TFEC: variants seen among roughly 807,000 people sequenced by gnomAD.
TFEC encodes the protein class E basic helix-loop-helix protein 34.
A neutral mutation model predicts 41.6 loss-of-function variants in TFEC; 31 were observed. The observed-to-expected ratio is 0.74, with a 90% CI of 0.56 to 1.01. The LOEUF (loss-of-function observed/expected upper bound fraction) is 1.01. TFEC is among the 50% of genes least tolerant of loss of function. The pLI is 0.00. For missense variants in TFEC, 402 were observed against 404.1 expected, an observed-to-expected ratio of 0.99 and a Z score of 0.04; for synonymous variants, 143 against 140.6, an observed-to-expected ratio of 1.02 and a Z score of -0.12.
At chr7:116,103,862 A>C (rs1443844563) in intron 3 of TFEC, among the ~76,000 whole-genome samples, 2 of 152,196 alleles carry the variant, frequency 1.3e-5, no homozygotes, top group Admixed American at 1.3e-4. Context: ...ATGCATTTTC[A>C]AATAACTACA....
At chr7:115,984,160 T>C (rs913803489) in intron 2 of TFEC, 102 bp downstream of exon 2, 11 of 1,397,730 alleles carry the variant, frequency 7.9e-6, no homozygotes, top group Non-Finnish European at 1.1e-5. Context: ...TTTGTTACAT[T>C]TGCAATCAGA....
chr7:116,151,037 T>C (rs901538313), intron 1 of TFEC, among the ~76,000 whole-genome samples: 5 of 152,114 alleles, frequency 3.3e-5, no homozygotes, highest in Non-Finnish European at 5.9e-5. Flanking sequence ...AGTATTCTCA[T>C]TGGTCTCCTT....
chr7:116,047,245 T>C (rs1796189716), intron 3 of TFEC, among the ~76,000 whole-genome samples: 1 of 152,038 alleles, frequency 6.6e-6, no homozygotes, highest in Admixed American at 6.5e-5. Flanking sequence ...AAATTCCCTT[T>C]CCTAACAAAG....
chr7:116,108,039 C>T (rs1002262072), intron 3 of TFEC, among the ~76,000 whole-genome samples: 3 of 152,096 alleles, frequency 2.0e-5, no homozygotes, highest in African/African-American at 7.2e-5. Context: ...TTATAGAACT[C>T]AGAATCTTCT....
intron 3 of TFEC, among the ~76,000 whole-genome samples, chr7:116,048,717 A>G (rs1796232680): frequency 6.6e-6 from 1 of 152,230 alleles, no homozygotes; most frequent in African/African-American, 2.4e-5. Context: ...AAAAATGTTA[A>G]GGGCAATCAG....
chr7:115,968,117 T>G, intron 3 of TFEC: 1 of 1,442,262 alleles, frequency 6.9e-7, no homozygotes, highest in Non-Finnish European at 9.2e-7. Context: ...GTTTATAAAG[T>G]TTAAATTCAG....
chr7:115,950,740 C>T lies in TFEC; in HGVS notation c.515+134G>A, dbSNP rs1321372581. The T allele has an allele frequency of 5.9e-5, 34 of 575,436 alleles. No homozygotes were observed. The South Asian group carries it at 9.4e-4, about 16-fold the overall frequency. The allele number at this position is 575,436 out of a possible 1,614,324, so 35.6% of individuals were successfully genotyped here. ...ACTGGAATAGACATTTTAAAATGAGCCCAGCAATAGCCTTATTTTTGCTAT... is the reference window on the plus strand; with the variant it reads ...ACTGGAATAGACATTTTAAAATGAGTCCAGCAATAGCCTTATTTTTGCTAT... On this transcript the variant is annotated intron_variant, in intron 6 of 7. Transcript: ENST00000265440.
At chr7:116,029,952 G>A (rs1795733082) in intron 1 of TFEC, among the ~76,000 whole-genome samples, 2 of 151,754 alleles carry the variant, frequency 1.3e-5, no homozygotes. Flanking sequence ...TGTAATCCCA[G>A]CTACTTGGAA....
chr7:116,056,857 A>G (rs1255364817), intron 3 of TFEC, among the ~76,000 whole-genome samples: 1 of 152,124 alleles, frequency 6.6e-6, no homozygotes, highest in African/African-American at 2.4e-5. Flanking sequence ...GAGAACTATC[A>G]AACAAAAGAT....
intron 3 of TFEC, among the ~76,000 whole-genome samples, chr7:115,959,931 G>C (rs371948904): frequency 4.6e-5 from 7 of 151,328 alleles, no homozygotes; most frequent in Non-Finnish European, 7.4e-5. Context: ...TTGGAAGAAA[G>C]AATTTTTTAA....
At chr7:116,049,880 C>T (rs1479291176) in intron 3 of TFEC, among the ~76,000 whole-genome samples, 1 of 152,206 alleles carries the variant, frequency 6.6e-6, no homozygotes, top group Non-Finnish European at 1.5e-5. Context: ...TGAATGACTA[C>T]TGGGTACACA....
intron 3 of TFEC, among the ~76,000 whole-genome samples, chr7:116,057,569 A>C (rs1796458179): frequency 6.6e-6 from 1 of 151,948 alleles, no homozygotes; most frequent in African/African-American, 2.4e-5. Context: ...AGAAATGAAA[A>C]GACTGGAAAG....
intron 3 of TFEC, among the ~76,000 whole-genome samples, chr7:115,958,655 C>A (rs1234912065): frequency 6.6e-6 from 1 of 151,810 alleles, no homozygotes; most frequent in Non-Finnish European, 1.5e-5. Flanking sequence ...TCAGACAGCA[C>A]CCAGTGCATT....
At chr7:115,978,472 C>T (rs1456309117) in intron 2 of TFEC, among the ~76,000 whole-genome samples, 1 of 152,144 alleles carries the variant, frequency 6.6e-6, no homozygotes, top group Non-Finnish European at 1.5e-5. Context: ...CAAATGCAGC[C>T]TTTGTTTTAG....
chr7:115,967,308 T>G (rs1301186445), intron 3 of TFEC, among the ~76,000 whole-genome samples: 1 of 151,734 alleles, frequency 6.6e-6, no homozygotes, highest in Non-Finnish European at 1.5e-5. Flanking sequence ...TCCTATATTG[T>G]GTTTTTTTGT....
At chr7:116,125,142 C>G (rs145200833) in intron 1 of TFEC, among the ~76,000 whole-genome samples, 1 of 152,250 alleles carries the variant, frequency 6.6e-6, no homozygotes, top group East Asian at 1.9e-4. Flanking sequence ...AAGAAATGGA[C>G]AGCAGGTACC....
intron 1 of TFEC, among the ~76,000 whole-genome samples, chr7:116,147,660 T>G (rs534828342): frequency 6.6e-6 from 1 of 151,402 alleles, no homozygotes; most frequent in East Asian, 2.0e-4. Flanking sequence ...CGGTGTTTGG[T>G]TTTTTGTCCT....
At chr7:115,990,722 G>A (rs911386694) in intron 1 of TFEC, among the ~76,000 whole-genome samples, 6 of 152,166 alleles carry the variant, frequency 3.9e-5, no homozygotes, top group African/African-American at 9.7e-5. Flanking sequence ...CAAGAAATAT[G>A]GGACTATGTA....
At chr7:115,986,275 C>T (rs6466561) in intron 1 of TFEC, among the ~76,000 whole-genome samples, 129,490 of 152,130 alleles carry the variant, frequency 0.85, 55,245 homozygotes, top group Non-Finnish European at 0.89. Flanking sequence ...TATTATCTTA[C>T]TCCATTCTTG....
Sources: gnomAD v4.1 joint callset for allele counts (sites outside exome capture counted in the v4.1 genomes callset) on GRCh38, gnomAD v4.1.1 for gene constraint, MANE v1.5 for transcripts, NCBI Gene and HGNC (gene_info 2026-07-23, HGNC 2026-07-21) for gene names.